REEP1: variants seen among roughly 807,000 people sequenced by gnomAD.
The protein encoded by REEP1 is receptor accessory protein 1.
REEP1 carries 22 observed loss-of-function variants against 40.3 expected under a neutral mutation model. The ratio of observed to expected loss-of-function variants is 0.55; its 90% confidence interval spans 0.39 to 0.78. The LOEUF (loss-of-function observed/expected upper bound fraction) is 0.78. Ranked by LOEUF, REEP1 falls within the 30% of genes least tolerant of loss-of-function variation. The pLI is 0.00. For synonymous variants in REEP1, 116 were observed against 139.2 expected (o/e 0.83, Z 1.17); for missense variants, 280 against 361.1 (o/e 0.78, Z 1.82).
intron 5 of REEP1, among the ~76,000 whole-genome samples, chr2:86,248,288 G>C (rs1410171505): frequency 6.6e-6 from 1 of 152,190 alleles, no homozygotes; most frequent in Non-Finnish European, 1.5e-5. Context: ...TAGATACTGA[G>C]AGTGAGAACT....
intron 1 of REEP1, among the ~76,000 whole-genome samples, chr2:86,325,699 C>A (rs1349189294): frequency 6.6e-6 from 1 of 152,178 alleles, no homozygotes; most frequent in African/African-American, 2.4e-5. Flanking sequence ...AATGGAGTGT[C>A]CCCTGGAACT....
chr2:86,250,597 G>T (rs1676218000), intron 5 of REEP1, among the ~76,000 whole-genome samples: 1 of 152,126 alleles, frequency 6.6e-6, no homozygotes, highest in South Asian at 2.1e-4. Context: ...AGCTATTATA[G>T]TAAAGGGGCA....
At chr2:86,308,482 C>G (rs1863066) in intron 1 of REEP1, among the ~76,000 whole-genome samples, 127,719 of 152,222 alleles carry the variant, frequency 0.84, 53,900 homozygotes, top group East Asian at 0.95. Flanking sequence ...TTGAGCATGG[C>G]AGGCGAAGGT....
chr2:86,227,430 A>G (rs181463056), intron 6 of REEP1, 32 bp from the exon 7 acceptor site: 15 of 1,232,190 alleles, frequency 1.2e-5, no homozygotes, highest in Non-Finnish European at 1.5e-5. Flanking sequence ...ACCATCAGTG[A>G]CATCCCCCAC....
chr2:86,306,534 T>C (rs924087771), intron 1 of REEP1, among the ~76,000 whole-genome samples: 2 of 152,226 alleles, frequency 1.3e-5, no homozygotes, highest in African/African-American at 4.8e-5. Flanking sequence ...AAGGATTTTA[T>C]GTAAAACTAT....
chr2:86,285,794 C>G (rs1006898893), intron 1 of REEP1, among the ~76,000 whole-genome samples: 1 of 152,218 alleles, frequency 6.6e-6, no homozygotes, highest in African/African-American at 2.4e-5. Context: ...CAATTTCAAT[C>G]TGTCTCCAAG....
In REEP1 at chr2:86,306,664, C is replaced by A. The variant is rs151219549; in HGVS notation, c.33-24422G>T. 8.1e-4 allele frequency among the ~76,000 whole-genome samples: 124 copies of A among 152,284 alleles called. 1 individual carries two copies. In the East Asian group the frequency reaches 0.021, roughly 26 times the overall value. On this transcript the variant is annotated intron_variant, in intron 1 of 8. Transcript: ENST00000538924. ...CCTCTGATGAGCGTTATCTGATCTA[C>A]AAATTGGTGTTTGGTAGTAGTTCTC...
At chr2:86,228,014 A>G (rs1212201658) in intron 6 of REEP1, among the ~76,000 whole-genome samples, 1 of 152,154 alleles carries the variant, frequency 6.6e-6, no homozygotes, top group African/African-American at 2.4e-5. Context: ...CACACCTTCC[A>G]GCTCATTCTG....
chr2:86,287,957 T>C (rs79541327), intron 1 of REEP1, among the ~76,000 whole-genome samples: 3,322 of 152,338 alleles, frequency 0.022, 57 homozygotes, highest in Middle Eastern at 0.061. Flanking sequence ...TTCAAACTTA[T>C]GTTTTTGAAA....
At chr2:86,264,122 C>A (rs1863056) in intron 2 of REEP1, 81 bp from the exon 3 acceptor site, 1 of 1,047,738 alleles carries the variant, frequency 9.5e-7, no homozygotes, top group Non-Finnish European at 1.5e-6. Flanking sequence ...CAGGCCCCGG[C>A]GGCAGATACG....
chr2:86,319,195 T>C (rs1007966407), intron 1 of REEP1, among the ~76,000 whole-genome samples: 1 of 152,162 alleles, frequency 6.6e-6, no homozygotes, highest in African/African-American at 2.4e-5. Context: ...TCCTGGGCCC[T>C]AACCTCAGGT....
At chr2:86,313,502 A>C (rs546424764) in intron 1 of REEP1, among the ~76,000 whole-genome samples, 3 of 152,124 alleles carry the variant, frequency 2.0e-5, no homozygotes, top group African/African-American at 7.2e-5. Flanking sequence ...TTGTTTTATG[A>C]ATGGAAAGGC....
intron 5 of REEP1, among the ~76,000 whole-genome samples, chr2:86,244,343 G>A (rs1431126617): frequency 6.6e-6 from 1 of 151,650 alleles, no homozygotes; most frequent in Admixed American, 6.6e-5. Context: ...TGACTGTTTT[G>A]TAGATCTTCT....
chr2:86,309,161 C>G (rs146397651), intron 1 of REEP1, among the ~76,000 whole-genome samples: 1 of 152,320 alleles, frequency 6.6e-6, no homozygotes, highest in East Asian at 1.9e-4. Context: ...CTCTCCAGCC[C>G]GCTCCTGTCA....
At chr2:86,295,312 G>A (rs1678924969) in intron 1 of REEP1, among the ~76,000 whole-genome samples, 1 of 152,218 alleles carries the variant, frequency 6.6e-6, no homozygotes, top group Admixed American at 6.5e-5. Context: ...CTGCCCTGCA[G>A]ATGACTTAGG....
At chr2:86,289,486 T>A (rs569528295) in intron 1 of REEP1, among the ~76,000 whole-genome samples, 10 of 152,316 alleles carry the variant, frequency 6.6e-5, no homozygotes, top group East Asian at 1.9e-4. Flanking sequence ...TCTTTTTTTT[T>A]ATTAGAAATT....
chr2:86,216,982 G>C lies in REEP1; in HGVS notation c.*57C>G. 1 of 1,463,658 alleles carries C rather than the reference G, an allele frequency of 6.8e-7. No individual in the cohort carries two copies. The highest frequency in any genetic ancestry group is 1.1e-5 in the South Asian group (1 of 87,432). The allele number at this position is 1,463,658 out of a possible 1,614,324, so 90.7% of individuals were successfully genotyped here. On this transcript the variant is annotated 3_prime_UTR_variant, in exon 9 of 9. Coordinates refer to ENST00000538924, the MANE Select transcript of REEP1 (RefSeq NM_001371279.1). ...CGGATTTCTATGTTATTAGTGAATA[G>C]CTCTTTAAGGCAGAGAAGAAACATT...
intron 1 of REEP1, among the ~76,000 whole-genome samples, chr2:86,333,227 C>CT (rs1047503886): frequency 8.6e-5 from 13 of 151,994 alleles, no homozygotes; most frequent in Non-Finnish European, 1.9e-4. Flanking sequence ...ACGATATTTT[C>CT]TTTTTTTTCC....
chr2:86,297,181 C>A (rs1384680264), intron 1 of REEP1, among the ~76,000 whole-genome samples: 1 of 152,186 alleles, frequency 6.6e-6, no homozygotes, highest in Non-Finnish European at 1.5e-5. Flanking sequence ...GCACTTGTGA[C>A]GAGGGTGTGG....
Sources: allele counts gnomAD v4.1 joint callset (sites outside exome capture counted in the v4.1 genomes callset), GRCh38; gene constraint gnomAD v4.1.1; transcripts MANE v1.5; gene names NCBI Gene and HGNC (gene_info 2026-07-23, HGNC 2026-07-21).